Variants in C11orf65 observed in about 807,000 individuals in gnomAD.
C11orf65 encodes the protein protein MFI.
A neutral mutation model predicts 35.3 loss-of-function variants in C11orf65; 38 were observed. That is an observed-to-expected ratio of 1.08 (90% CI 0.83 to 1.41). C11orf65 has a LOEUF of 1.41. Among genes scored for constraint, C11orf65 ranks in the 40% most tolerant of loss-of-function variants. The probability of loss-of-function intolerance (pLI) is 0.00; values close to 1 mark genes in which losing one functional copy is unlikely to be tolerated. For missense variants in C11orf65, 370 were observed against 367.1 expected, an observed-to-expected ratio of 1.01 and a Z score of -0.06; for synonymous variants, 105 against 114.4, an observed-to-expected ratio of 0.92 and a Z score of 0.53.
intron 1 of C11orf65, among the ~76,000 whole-genome samples, chr11:108,466,380 C>T (rs902033434): frequency 1.1e-4 from 17 of 152,110 alleles, no homozygotes; most frequent in Non-Finnish European, 1.6e-4. Flanking sequence ...TTGAGACCAG[C>T]CTGGCCAATA....
intron 6 of C11orf65, among the ~76,000 whole-genome samples, chr11:108,396,256 C>T (rs940920810): frequency 1.3e-5 from 2 of 151,770 alleles, no homozygotes; most frequent in African/African-American, 4.8e-5. Flanking sequence ...CCAGGCTTAG[C>T]TAATTTTTGT....
chr11:108,365,285 A>G, intron 2 of C11orf65: 3 of 1,614,166 alleles, frequency 1.9e-6, no homozygotes, highest in Non-Finnish European at 2.5e-6. Flanking sequence ...AGGCCTTTAA[A>G]CTGTTCACCT....
At chr11:108,380,211 A>C (rs2091841063), downstream of C11orf65, among the ~76,000 whole-genome samples, 2 of 152,208 alleles carry the variant, frequency 1.3e-5, no homozygotes, top group African/African-American at 4.8e-5. Flanking sequence ...GCCTTACTAC[A>C]GCTCCACTTA....
At chr11:108,323,721 C>T (rs925790385) in intron 6 of C11orf65, among the ~76,000 whole-genome samples, 4 of 152,034 alleles carry the variant, frequency 2.6e-5, no homozygotes, top group African/African-American at 9.7e-5. Flanking sequence ...TAAAAAGAAA[C>T]ACCTAAAGAA....
rs751665578 is a variant in C11orf65, at chr11:108,321,293, G to T, written c.641-12222C>A. ...ATTTTCAGAGTGTCTTTTCTTTTTT[G>T]CTACTAGAGTAAAAGAAGTGGAAGA... On this transcript the variant is annotated intron_variant, in intron 6 of 6. Transcript: ENST00000525729. The T allele has an allele frequency of 6.2e-7, 1 of 1,612,316 alleles. No individual in the cohort carries two copies.
At chr11:108,354,056 A>T (rs1329608071) in intron 2 of C11orf65, among the ~76,000 whole-genome samples, 1 of 113,904 alleles carries the variant, frequency 8.8e-6, no homozygotes, top group Admixed American at 9.5e-5. Flanking sequence ...TATCTAAAAA[A>T]ATACACACAC....
chr11:108,386,028 C>T (rs1364765643), intron 7 of C11orf65, 53 bp from the exon 8 acceptor site: 2 of 1,400,798 alleles, frequency 1.4e-6, no homozygotes, highest in Non-Finnish European at 2.0e-6. Flanking sequence ...TTAGTACATA[C>T]TTAGACTACT....
intron 2 of C11orf65, among the ~76,000 whole-genome samples, chr11:108,375,714 C>T (rs1332277316): frequency 1.3e-5 from 2 of 152,100 alleles, no homozygotes; most frequent in African/African-American, 2.4e-5. Flanking sequence ...AGTCAAGACC[C>T]GTCAGTGTGC....
At chr11:108,379,776 G>T (rs944291713), downstream of C11orf65, among the ~76,000 whole-genome samples, 1 of 152,060 alleles carries the variant, frequency 6.6e-6, no homozygotes. Flanking sequence ...ACAAGGTGAA[G>T]GGAGCACAGG....
At chr11:108,321,253 G>T (rs1246372143) in intron 6 of C11orf65, 4 of 1,610,934 alleles carry the variant, frequency 2.5e-6, no homozygotes, top group Non-Finnish European at 3.4e-6. Flanking sequence ...TTATTTCCCT[G>T]AAAACCTCTT....
At chr11:108,333,333 TG>T (rs2086485752) in intron 3 of C11orf65, among the ~76,000 whole-genome samples, 1 of 152,232 alleles carries the variant, frequency 6.6e-6, no homozygotes, top group South Asian at 2.1e-4. Context: ...TTATTATTCT[TG>T]CTGTGTCAGT....
At chr11:108,433,439 A>C (rs2093020553) in intron 2 of C11orf65, among the ~76,000 whole-genome samples, 2 of 151,618 alleles carry the variant, frequency 1.3e-5, no homozygotes, top group Admixed American at 6.6e-5. Context: ...AATTAGTTAG[A>C]TGTGGTGGCA....
intron 6 of C11orf65, among the ~76,000 whole-genome samples, chr11:108,395,576 C>T (rs551109057): frequency 7.3e-5 from 11 of 151,312 alleles, no homozygotes; most frequent in Admixed American, 3.3e-4. Flanking sequence ...CTCAGCCTCC[C>T]AAAGTGTTGT....
intron 2 of C11orf65, among the ~76,000 whole-genome samples, chr11:108,342,856 C>T (rs769027536): frequency 7.2e-5 from 11 of 151,978 alleles, no homozygotes; most frequent in Non-Finnish European, 1.6e-4. Context: ...AGTGAAACTC[C>T]CCAAATTTAA....
intron 3 of C11orf65, 147 bp downstream of exon 3, chr11:108,431,599 T>C: frequency 2.5e-6 from 1 of 405,650 alleles, no homozygotes; most frequent in Non-Finnish European, 4.3e-6. Flanking sequence ...TTGAGCTATA[T>C]ATGTTTTATG....
intron 3 of C11orf65, among the ~76,000 whole-genome samples, chr11:108,334,736 G>C (rs956671959): frequency 6.6e-6 from 1 of 152,044 alleles, no homozygotes; most frequent in Non-Finnish European, 1.5e-5. Flanking sequence ...TTATGTTTTC[G>C]TGAGGAGTTA....
At chr11:108,407,041 C>T in intron 4 of C11orf65, 55 bp downstream of exon 4, 1 of 1,573,458 alleles carries the variant, frequency 6.4e-7, no homozygotes, top group Middle Eastern at 1.7e-4. Context: ...TACATTGTTT[C>T]AATTTCATAA....
intron 2 of C11orf65, among the ~76,000 whole-genome samples, chr11:108,342,642 AAGGGT>A (rs1438938756): frequency 6.6e-6 from 1 of 152,178 alleles, no homozygotes; most frequent in African/African-American, 2.4e-5. Context: ...TAATGGATAA[AAGGGT>A]ATCTGTTAAT....
chr11:108,361,644 C>T (rs1316885780), intron 2 of C11orf65, among the ~76,000 whole-genome samples: 1 of 151,654 alleles, frequency 6.6e-6, no homozygotes. Flanking sequence ...AATAACGCCG[C>T]ATGTCTACAA....
Sources: allele counts gnomAD v4.1 joint callset (sites outside exome capture counted in the v4.1 genomes callset), GRCh38; gene constraint gnomAD v4.1.1; transcripts MANE v1.5; gene names NCBI Gene and HGNC (gene_info 2026-07-23, HGNC 2026-07-21).